Variants in JAK1 observed in about 807,000 individuals in gnomAD.
JAK1 encodes Janus kinase 1.
JAK1 carries 16 observed loss-of-function variants against 136.6 expected under a neutral mutation model. The ratio of observed to expected loss-of-function variants is 0.12; its 90% CI spans 0.08 to 0.18. The LOEUF is 0.18. Ranked by LOEUF, JAK1 falls within the 10% of genes least tolerant of loss-of-function variation. The probability of loss-of-function intolerance (pLI) is 1.00; values close to 1 mark genes in which losing one functional copy is unlikely to be tolerated. For missense variants in JAK1, 859 were observed against 1,450.1 expected, an observed-to-expected ratio of 0.59 and a Z score of 6.62; for synonymous variants, 492 against 519.5, an observed-to-expected ratio of 0.95 and a Z score of 0.72.
intron 12 of JAK1, among the ~76,000 whole-genome samples, chr1:64,849,577 TGC>T (rs1344560293): frequency 2.0e-5 from 3 of 152,284 alleles, no homozygotes; most frequent in African/African-American, 7.2e-5. Flanking sequence ...GTCCACATCC[TGC>T]TGTACTTCCC....
intron 1 of JAK1, among the ~76,000 whole-genome samples, chr1:64,906,872 C>T (rs964674734): frequency 1.2e-4 from 19 of 152,254 alleles, no homozygotes; most frequent in African/African-American, 4.1e-4. Flanking sequence ...AAAGGAAAAA[C>T]GGAGGAGTGT....
chr1:64,954,299 A>G (rs1291588551), intron 1 of JAK1, among the ~76,000 whole-genome samples: 1 of 152,212 alleles, frequency 6.6e-6, no homozygotes, highest in Non-Finnish European at 1.5e-5. Flanking sequence ...GTCTCTGGCT[A>G]TTACAAAGAT....
intron 7 of JAK1, 51 bp downstream of exon 7, chr1:64,866,815 G>A (rs762939280): frequency 4.4e-6 from 6 of 1,352,946 alleles, no homozygotes; most frequent in South Asian, 1.3e-5. Flanking sequence ...AACAGCATAC[G>A]CTATGTGACA....
At chr1:64,989,455 A>G (rs1646634621) in intron 2 of JAK1, 1 of 152,186 alleles carries the variant, frequency 6.6e-6, no homozygotes. Flanking sequence ...TCCTGAAGAC[A>G]GCAGCCCATA....
At chr1:64,919,820 A>G (rs1645464540) in intron 1 of JAK1, among the ~76,000 whole-genome samples, 1 of 152,144 alleles carries the variant, frequency 6.6e-6, no homozygotes, top group Admixed American at 6.6e-5. Flanking sequence ...AGTAGCTACT[A>G]TAAAAACAAT....
chr1:65,053,781 A>C (rs1324842951), intron 1 of JAK1, among the ~76,000 whole-genome samples: 2 of 152,246 alleles, frequency 1.3e-5, no homozygotes, highest in Non-Finnish European at 2.9e-5. Context: ...TGATGGCACC[A>C]CTGCACTCTA....
At chr1:64,887,758 G>A (rs1168892984) in intron 1 of JAK1, among the ~76,000 whole-genome samples, 2 of 152,194 alleles carry the variant, frequency 1.3e-5, no homozygotes, top group East Asian at 3.8e-4. Flanking sequence ...ATGGAGGTGG[G>A]GCATGAAGCC....
intron 1 of JAK1, among the ~76,000 whole-genome samples, chr1:64,944,100 TA>T (rs1557712707): frequency 6.6e-6 from 1 of 151,322 alleles, no homozygotes; most frequent in African/African-American, 2.4e-5. Context: ...CAGGTGCCTG[TA>T]GTCCCAGCTA....
At chr1:64,920,221 G>T (rs1570775354) in intron 1 of JAK1, among the ~76,000 whole-genome samples, 1 of 152,248 alleles carries the variant, frequency 6.6e-6, no homozygotes, top group African/African-American at 2.4e-5. Context: ...GGGAAAAGTG[G>T]CTTACACAAA....
intron 2 of JAK1, among the ~76,000 whole-genome samples, chr1:65,011,532 G>A (rs1182666361): frequency 6.6e-6 from 1 of 152,112 alleles, no homozygotes; most frequent in Non-Finnish European, 1.5e-5. Flanking sequence ...CATTGAAATA[G>A]TTACTTAGAA....
intron 1 of JAK1, among the ~76,000 whole-genome samples, chr1:65,053,122 G>C (rs1429041911): frequency 6.6e-6 from 1 of 151,232 alleles, no homozygotes; most frequent in Non-Finnish European, 1.5e-5. Flanking sequence ...GAGGTAGGCA[G>C]ATCACCTGAG....
intron 2 of JAK1, among the ~76,000 whole-genome samples, chr1:65,035,847 T>C (rs918665784): frequency 6.6e-6 from 1 of 152,062 alleles, no homozygotes; most frequent in Non-Finnish European, 1.5e-5. Flanking sequence ...GGCGGGCGGA[T>C]CATGAGGTCA....
intron 20 of JAK1, among the ~76,000 whole-genome samples, 179 bp from the exon 21 acceptor site, chr1:64,838,768 A>C (rs922087690): frequency 6.6e-6 from 1 of 152,178 alleles, no homozygotes; most frequent in African/African-American, 2.4e-5. Context: ...AGATGGTAAC[A>C]ATGGTGTACC....
At chr1:64,891,319 C>T (rs538748708) in intron 1 of JAK1, among the ~76,000 whole-genome samples, 1 of 152,294 alleles carries the variant, frequency 6.6e-6, no homozygotes, top group African/African-American at 2.4e-5. Flanking sequence ...GGAAGAACTG[C>T]TCTAAACTGT....
Position 65,038,602 on chromosome 1 carries a change from A to G in JAK1, c.-78+5878T>C, listed in dbSNP as rs112382783. ...GTAGCCAGTCATGAAAATATTTCAC[A>G]TAACTTTTATGTCAAACCTCCCCAT... On this transcript the variant is annotated intron_variant, in intron 2 of 25. Transcript: ENST00000671954. Among the ~76,000 whole-genome samples, 719 of 152,212 alleles carry G rather than the reference A, an allele frequency of 4.7e-3. 7 individuals are homozygous for G. The highest frequency in any genetic ancestry group is 0.015 in the African/African-American group (643 of 41,540).
chr1:64,848,529 C>A lies in JAK1; in HGVS notation c.1756-854G>T, dbSNP rs114269697. Among the ~76,000 whole-genome samples, 1,076 of 152,296 alleles carry A rather than the reference C, an allele frequency of 7.1e-3. 5 individuals carry two copies. The highest frequency in any genetic ancestry group is 0.012 in the Non-Finnish European group (817 of 68,030). ...GGATTTCCTGACATGTGAAAGGGAA[C>A]AATACCCCCAGATGAGTGGCAGGAG... On this transcript the variant is annotated intron_variant, in intron 12 of 24. Transcript: ENST00000342505.
chr1:64,833,531 T>TGTC lies in JAK1; in HGVS notation c.*1028_*1030dup, dbSNP rs998912359. On this transcript the variant is annotated 3_prime_UTR_variant, in exon 25 of 25. Coordinates refer to ENST00000342505, the MANE Select transcript of JAK1 (RefSeq NM_002227.4). ...AGCTACCTCCAAGCAAACTGAAAAC[T>TGTC]GTCTAGTGGATCCTGAAGTCCATAG... is the stretch of plus-strand genomic sequence containing the variant. 6 of 232,962 alleles carry TGTC rather than the reference T, an allele frequency of 2.6e-5. No homozygotes were observed. The highest frequency in any genetic ancestry group is 1.1e-4 in the African/African-American group (5 of 45,348). 14.4% of individuals were successfully genotyped at this position (232,962 alleles called of 1,614,324 possible). A position where few individuals can be genotyped will look rare whatever the true frequency, so the allele number is the denominator to read the frequency against.
intron 2 of JAK1, among the ~76,000 whole-genome samples, chr1:64,980,352 G>T (rs923912696): frequency 6.6e-6 from 1 of 152,074 alleles, no homozygotes; most frequent in African/African-American, 2.4e-5. Context: ...CCTGGGTTTG[G>T]CAGCCATCCC....
intron 1 of JAK1, among the ~76,000 whole-genome samples, chr1:65,052,493 C>G (rs551639633): frequency 1.3e-5 from 2 of 152,062 alleles, no homozygotes; most frequent in East Asian, 3.9e-4. Flanking sequence ...GCCTGACCAA[C>G]ACGGTGAAAC....
Sources: gnomAD v4.1 joint callset for allele counts (sites outside exome capture counted in the v4.1 genomes callset) on GRCh38, gnomAD v4.1.1 for gene constraint, MANE v1.5 for transcripts, NCBI Gene and HGNC (gene_info 2026-07-23, HGNC 2026-07-21) for gene names.